Variants in TRAPPC11 observed in about 807,000 individuals in gnomAD.
The protein encoded by TRAPPC11 is trafficking protein particle complex subunit 11, also known as foie gras homolog.
Under a neutral mutation model 151.2 loss-of-function variants are expected in TRAPPC11, and 104 were observed. That is an observed-to-expected ratio of 0.69 (90% CI 0.59 to 0.81). TRAPPC11 has a LOEUF of 0.81. Ranked by LOEUF, TRAPPC11 falls within the 30% of genes least tolerant of loss-of-function variation. TRAPPC11 has a pLI of 0.00. For synonymous variants in TRAPPC11, 456 were observed against 472.3 expected (o/e 0.97, Z 0.45); for missense variants, 1,230 against 1,349.6 (o/e 0.91, Z 1.39).
rs201832044 is a variant in TRAPPC11 at position 183,659,932 on chromosome 4, T to TG, written c.-22+485_-22+486insG. ...TAACCACATTAGGTTTTGGGGTTTT[T>TG]TTAGTTGCCAATTTGATTGGGTCAC... On this transcript the variant is annotated intron_variant, in intron 1 of 29. Transcript: ENST00000334690. Among the ~76,000 whole-genome samples the TG allele has an allele frequency of 6.2e-4, 94 of 152,242 alleles. 1 individual carries two copies. The highest frequency in any genetic ancestry group is 2.2e-3 in the African/African-American group (93 of 41,548).
In TRAPPC11 at chr4:183,680,225, C is replaced by G; in HGVS notation, c.1071C>G (p.Ala357=). ...ATTACCAGCAGGCAGCATACTATGC[C>G]CAGGAGCGGAAACAGCTTGCAAAAA... ...GFYYQQAAYY[A]QERKQLAKTL... The change falls in exon 10 of 30, where the codon GCC becomes GCG. Residue 357 remains alanine (A), a synonymous_variant. Transcript: ENST00000334690. The G allele has an allele frequency of 6.2e-7, 1 of 1,613,892 alleles. No homozygotes were observed. The highest frequency in any genetic ancestry group is 1.1e-5 in the South Asian group (1 of 91,072).
chr4:183,665,288 G>A lies in TRAPPC11; in HGVS notation c.205-969G>A, dbSNP rs555510309. 6.6e-5 allele frequency among the ~76,000 whole-genome samples: 10 copies of A among 151,894 alleles called. No individual in the cohort carries two copies. In the South Asian group the frequency reaches 1.5e-3, roughly 22 times the overall value. On this transcript the variant is annotated intron_variant, in intron 2 of 29. Transcript: ENST00000334690. ...TTTCTGTATTTTTAGTAGAGACGGG[G>A]TTTCACCGTGTTAGCCAGGATGGTC...
At chr4:183,663,116 G>A (rs947585161) in intron 1 of TRAPPC11, among the ~76,000 whole-genome samples, 6 of 151,976 alleles carry the variant, frequency 3.9e-5, no homozygotes, top group Non-Finnish European at 8.8e-5. Context: ...ACCCAGATTG[G>A]AGTGGAGTGC....
At chr4:183,707,280 G>A (rs958037360) in intron 28 of TRAPPC11, among the ~76,000 whole-genome samples, 3 of 151,938 alleles carry the variant, frequency 2.0e-5, no homozygotes, top group African/African-American at 4.8e-5. Flanking sequence ...GTGTGTGTGT[G>A]TGAGGCCTGG....
intron 7 of TRAPPC11, among the ~76,000 whole-genome samples, chr4:183,675,955 A>T (rs1310082135): frequency 6.6e-6 from 1 of 152,178 alleles, no homozygotes; most frequent in Non-Finnish European, 1.5e-5. Context: ...TTGAAGACAA[A>T]GGTATTAAAA....
intron 11 of TRAPPC11, 99 bp from the exon 12 acceptor site, chr4:183,683,872 ATTAT>A: frequency 1.1e-6 from 1 of 915,878 alleles, no homozygotes; most frequent in Non-Finnish European, 1.7e-6. Context: ...GTCTGAAATG[ATTAT>A]ATTAAATAAA....
chr4:183,674,903 T>A, intron 6 of TRAPPC11, 91 bp downstream of exon 6: 1 of 768,800 alleles, frequency 1.3e-6, no homozygotes, highest in Non-Finnish European at 2.1e-6. Flanking sequence ...ACTTTAATGT[T>A]TTAAATGGTT....
chr4:183,694,544 T>A, intron 22 of TRAPPC11, 60 bp from the exon 23 acceptor site: 4 of 1,509,654 alleles, frequency 2.6e-6, no homozygotes, highest in Non-Finnish European at 3.6e-6. Context: ...TATCCTAGAA[T>A]ATATATCAAG....
chr4:183,679,578 G>A lies in TRAPPC11; in HGVS notation c.965+92G>A, dbSNP rs4862233. 273,167 of 1,107,038 alleles carry A rather than the reference G, an allele frequency of 0.25. 35,274 individuals carry two copies. Among genetic ancestry groups the A allele is most frequent in the African/African-American group, 0.38 (23,311 of 62,078 alleles). The allele number at this position is 1,107,038 out of a possible 1,614,324, so 68.6% of individuals were successfully genotyped here. A position where few individuals can be genotyped will look rare whatever the true frequency, so the allele number is the denominator to read the frequency against. On this transcript the variant is annotated intron_variant, in intron 9 of 29. Coordinates refer to ENST00000334690, the MANE Select transcript of TRAPPC11 (RefSeq NM_021942.6). ...GACTTTGGTTCTAAAACTGAACCAGGTTTTTTGTCACTAAGTAGGTTTTTG... is the reference window on the plus strand; with the variant it reads ...GACTTTGGTTCTAAAACTGAACCAGATTTTTTGTCACTAAGTAGGTTTTTG...
chr4:183,698,133 GA>G (rs1423685672), intron 25 of TRAPPC11, among the ~76,000 whole-genome samples: 1 of 151,724 alleles, frequency 6.6e-6, no homozygotes, highest in Non-Finnish European at 1.5e-5. Flanking sequence ...ACTTTTTAAA[GA>G]TTTTTTTCTC....
At chr4:183,670,172 C>G (rs1390606853) in intron 5 of TRAPPC11, among the ~76,000 whole-genome samples, 1 of 152,172 alleles carries the variant, frequency 6.6e-6, no homozygotes, top group African/African-American at 2.4e-5. Context: ...TACTCCTGTG[C>G]TTTCAGAGCC....
intron 7 of TRAPPC11, among the ~76,000 whole-genome samples, chr4:183,676,208 GGC>G (rs912233687): frequency 6.6e-6 from 1 of 151,684 alleles, no homozygotes; most frequent in African/African-American, 2.4e-5. Flanking sequence ...GGAGTGCAGT[GGC>G]GCGATCTCGG....
Position 183,691,522 on chromosome 4 carries a change from A to C in TRAPPC11, c.2049+51A>C, listed in dbSNP as rs1172523248. On this transcript the variant is annotated intron_variant, in intron 19 of 29. Coordinates refer to ENST00000334690, the MANE Select transcript of TRAPPC11 (RefSeq NM_021942.6). ...TATTTTTAATAATAAAAGTATGTTT[A>C]TATCAATATTTTAAATAATACAAAA... 11 of 1,125,144 alleles carry C rather than the reference A, an allele frequency of 9.8e-6. No homozygotes were observed. In the Admixed American group the frequency reaches 3.6e-4, roughly 37 times the overall value. The allele number at this position is 1,125,144 out of a possible 1,614,324, so 69.7% of individuals were successfully genotyped here. A position where few individuals can be genotyped will look rare whatever the true frequency, so the allele number is the denominator to read the frequency against.
chr4:183,687,421 C>T (rs553587495), intron 18 of TRAPPC11, among the ~76,000 whole-genome samples: 1 of 151,990 alleles, frequency 6.6e-6, no homozygotes, highest in Admixed American at 6.6e-5. Context: ...CTCACTGTAG[C>T]CTCAACCTTT....
intron 2 of TRAPPC11, among the ~76,000 whole-genome samples, chr4:183,665,214 C>T (rs555621224): frequency 2.0e-5 from 3 of 150,738 alleles, no homozygotes; most frequent in East Asian, 3.9e-4. Flanking sequence ...CCTGCTTCAG[C>T]CTCCCGAGTG....
Position 183,684,001 on chromosome 4 carries a change from G to A in TRAPPC11, c.1234G>A (p.Glu412Lys). Residue 412 changes from glutamate (E) to lysine (K), a missense_variant, in exon 12 of 30, where the codon GAA becomes AAA. Physicochemically the swap from Glu to Lys is moderately conservative, Grantham distance 56. Transcript: ENST00000334690. ...TTTTGATCTTTCTGATCCTGAAAAA[G>A]AAAAGGTGGGAATTCTTGCCATTCA... is the stretch of plus-strand genomic sequence containing the variant. ...LSFDLSDPEK[E>K]KVGILAIQLK... The A allele has an allele frequency of 6.2e-7, 1 of 1,614,026 alleles. No individual in the cohort carries two copies. The highest frequency in any genetic ancestry group is 8.5e-7 in the Non-Finnish European group (1 of 1,179,952).
At chr4:183,702,172 T>A (rs1299992667) in intron 26 of TRAPPC11, among the ~76,000 whole-genome samples, 4 of 151,970 alleles carry the variant, frequency 2.6e-5, no homozygotes, top group Non-Finnish European at 4.4e-5. Context: ...GGTGAAACCC[T>A]GTCTCTACAA....
intron 2 of TRAPPC11, among the ~76,000 whole-genome samples, chr4:183,665,761 C>G (rs1312676460): frequency 6.6e-6 from 1 of 152,204 alleles, no homozygotes; most frequent in Non-Finnish European, 1.5e-5. Flanking sequence ...AAGAATTGTT[C>G]TCTGCTTTGT....
chr4:183,696,703 T>C (rs1236707087), intron 23 of TRAPPC11, among the ~76,000 whole-genome samples: 1 of 152,134 alleles, frequency 6.6e-6, no homozygotes, highest in African/African-American at 2.4e-5. Flanking sequence ...CCCCCCATTG[T>C]TTTTCTAACA....
Sources: allele counts gnomAD v4.1 joint callset (sites outside exome capture counted in the v4.1 genomes callset), GRCh38; gene constraint gnomAD v4.1.1; transcripts MANE v1.5; gene names NCBI Gene and HGNC (gene_info 2026-07-23, HGNC 2026-07-21).